The following MYCBP2 variants were observed in gnomAD, a reference collection of about 807,000 sequenced individuals.
The protein encoded by MYCBP2 is MYC binding protein 2.
In MYCBP2, 120 loss-of-function variants were observed where a neutral mutation model predicts 525.3. The observed-to-expected ratio is 0.23, with a 90% CI of 0.20 to 0.27. The LOEUF is 0.27. Among genes scored for constraint, MYCBP2 ranks in the 10% least tolerant of loss-of-function variants. MYCBP2 has a pLI of 1.00. For synonymous variants in MYCBP2, 1,894 were observed against 1,955.8 expected, an observed-to-expected ratio of 0.97 and a Z score of 0.83; for missense variants, 4,149 against 5,657.1, an observed-to-expected ratio of 0.73 and a Z score of 8.55.
intron 66 of MYCBP2, 184 bp from the exon 67 acceptor site, chr13:77,077,571 A>T: frequency 3.0e-6 from 2 of 661,290 alleles, no homozygotes; most frequent in South Asian, 4.1e-5. Flanking sequence ...TATTTATAGT[A>T]GCTATTACAC....
chr13:77,146,277 C>G, intron 47 of MYCBP2, 60 bp from the exon 48 acceptor site: 3 of 1,193,364 alleles, frequency 2.5e-6, no homozygotes, highest in Non-Finnish European at 3.6e-6. Flanking sequence ...TCTCAATTAA[C>G]AGAGTAATAT....
chr13:77,240,137 T>C (rs1331550028), intron 17 of MYCBP2, among the ~76,000 whole-genome samples: 1 of 152,164 alleles, frequency 6.6e-6, no homozygotes, highest in Admixed American at 6.5e-5. Flanking sequence ...AAAAATTGCT[T>C]AATGGAGTGC....
intron 18 of MYCBP2, among the ~76,000 whole-genome samples, chr13:77,227,807 T>C (rs996205708): frequency 1.3e-5 from 2 of 152,066 alleles, no homozygotes; most frequent in Admixed American, 6.5e-5. Context: ...AATAGAGACA[T>C]AGCATCAAGG....
In MYCBP2 at chr13:77,206,733, C is replaced by T. The variant is rs2063384860; in HGVS notation, c.3509G>A (p.Ser1170Asn). ...TAAGGCAAGTTCAGGACTTAGGATACTACATCTGGACTGCATGTCTGCTGC... is the reference window on the plus strand; with the variant it reads ...TAAGGCAAGTTCAGGACTTAGGATATTACATCTGGACTGCATGTCTGCTGC... ...PSAADMQSRC[S>N]ILSPELALPT... Residue 1170 changes from serine to asparagine, a missense_variant, in exon 24 of 83, where the codon AGT becomes AAT. Physicochemically the swap from Ser to Asn is conservative, Grantham distance 46. Transcript: ENST00000544440. The T allele has an allele frequency of 2.5e-6, 4 of 1,612,928 alleles. No individual in the cohort carries two copies. In the South Asian group the frequency reaches 4.4e-5, roughly 18 times the overall value.
At chr13:77,191,621 A>G in intron 28 of MYCBP2, 58 bp downstream of exon 28, 1 of 1,575,020 alleles carries the variant, frequency 6.3e-7, no homozygotes, top group South Asian at 1.2e-5. Flanking sequence ...AATTTTCAAA[A>G]CAATATTCCT....
chr13:77,098,920 T>A lies in MYCBP2; in HGVS notation c.8234A>T (p.Asp2745Val). ...SSKHSRSLKP[D>V]GRMSRTTADQ... ...AGCAGTAGTCCGGCTCATACGTCCA[T>A]CAGGTTTAAGCGATCTGCTGTGTTT... is the stretch of plus-strand genomic sequence containing the variant. The change falls in exon 56 of 83, where the codon GAT becomes GTT. Residue 2745 changes from aspartate (D) to valine (V), a missense_variant. Coordinates refer to ENST00000544440, the MANE Select transcript of MYCBP2 (RefSeq NM_015057.5). 6.2e-7 allele frequency: 1 copy of A among 1,613,674 alleles called. No individual in the cohort carries two copies. The highest frequency in any genetic ancestry group is 1.1e-5 in the South Asian group (1 of 91,062).
chr13:77,118,453 G>T (rs2050148551), intron 55 of MYCBP2: 1 of 764,794 alleles, frequency 1.3e-6, no homozygotes, highest in South Asian at 1.3e-5. Flanking sequence ...TGGGAGATTG[G>T]GTCGTGACTG....
At chr13:77,205,643 G>C in intron 24 of MYCBP2, 45 bp from the exon 25 acceptor site, 1 of 1,570,902 alleles carries the variant, frequency 6.4e-7, no homozygotes, top group Non-Finnish European at 8.7e-7. Flanking sequence ...AAATTAAAAT[G>C]TCCTATGGTA....
At chr13:77,289,411 A>G (rs1379001803) in intron 2 of MYCBP2, among the ~76,000 whole-genome samples, 4 of 152,162 alleles carry the variant, frequency 2.6e-5, no homozygotes, top group Non-Finnish European at 5.9e-5. Flanking sequence ...TGCTGGCACA[A>G]CACTGGAAAA....
intron 75 of MYCBP2, 115 bp downstream of exon 75, chr13:77,061,547 C>G: frequency 7.9e-7 from 1 of 1,260,700 alleles, no homozygotes; most frequent in Non-Finnish European, 1.1e-6. Context: ...GTGAACTCAA[C>G]CAAGGTCTTT....
chr13:77,137,591 T>C (rs2053952807), intron 52 of MYCBP2, among the ~76,000 whole-genome samples: 1 of 151,948 alleles, frequency 6.6e-6, no homozygotes, highest in South Asian at 2.1e-4. Flanking sequence ...CATCTCTATA[T>C]TTTTGTGTTT....
chr13:77,317,172 G>A (rs1027740547), intron 1 of MYCBP2, among the ~76,000 whole-genome samples: 4 of 152,094 alleles, frequency 2.6e-5, no homozygotes, highest in African/African-American at 7.2e-5. Flanking sequence ...AGCTGGTTTC[G>A]AACTCCTGAC....
chr13:77,121,537 C>T (rs777770688), intron 54 of MYCBP2, 42 bp from the exon 55 acceptor site: 1 of 1,456,256 alleles, frequency 6.9e-7, no homozygotes, highest in Non-Finnish European at 9.2e-7. Context: ...TTCTTACGTG[C>T]TATTCCCTAT....
intron 82 of MYCBP2, among the ~76,000 whole-genome samples, chr13:77,049,575 A>G (rs2036297913): frequency 6.6e-6 from 1 of 152,200 alleles, no homozygotes; most frequent in African/African-American, 2.4e-5. Context: ...TGTAAATATA[A>G]ACAAATATGA....
chr13:77,077,422 A>T, intron 66 of MYCBP2, 35 bp from the exon 67 acceptor site: 1 of 1,611,022 alleles, frequency 6.2e-7, no homozygotes, highest in Non-Finnish European at 8.5e-7. Context: ...AACCTGATTC[A>T]GCTGGATCAC....
Position 77,168,458 on chromosome 13 carries a change from C to A in MYCBP2, c.6084G>T (p.Pro2028=). ...AATGCATCACACAGGCAGGTTTATA[C>A]GGGTGCTCACTCTCTATGACAGCAT... ...SHYAVIESEH[P]YKPACVMHYK... The change falls in exon 40 of 83, where the codon CCG becomes CCT. Residue 2028 remains proline (P), a synonymous_variant. Coordinates refer to ENST00000544440, the MANE Select transcript of MYCBP2 (RefSeq NM_015057.5). 1 of 1,614,036 alleles carries A rather than the reference C, an allele frequency of 6.2e-7. No individual in the cohort carries two copies. Among genetic ancestry groups the A allele is most frequent in the Non-Finnish European group, 8.5e-7 (1 of 1,180,002 alleles).
intron 14 of MYCBP2, among the ~76,000 whole-genome samples, chr13:77,255,867 C>G (rs1049077422): frequency 1.3e-5 from 2 of 151,950 alleles, no homozygotes; most frequent in African/African-American, 4.8e-5. Context: ...ATTATTGGTA[C>G]TTTAACCAAA....
intron 54 of MYCBP2, among the ~76,000 whole-genome samples, chr13:77,121,857 C>T (rs763512904): frequency 4.0e-5 from 6 of 151,322 alleles, no homozygotes; most frequent in Non-Finnish European, 8.8e-5. Flanking sequence ...AAATGGATAA[C>T]CTATAAACCA....
chr13:77,151,581 T>C (rs771910043), intron 46 of MYCBP2, among the ~76,000 whole-genome samples: 1 of 152,218 alleles, frequency 6.6e-6, no homozygotes, highest in Non-Finnish European at 1.5e-5. Flanking sequence ...AAAATGGGAC[T>C]ATCTTTCGTC....
Sources: gnomAD v4.1 joint callset for allele counts (sites outside exome capture counted in the v4.1 genomes callset) on GRCh38, gnomAD v4.1.1 for gene constraint, MANE v1.5 for transcripts, NCBI Gene and HGNC (gene_info 2026-07-23, HGNC 2026-07-21) for gene names.